Variants in CAST observed in about 807,000 individuals in gnomAD.
The protein encoded by CAST is MIR583 host.
CAST carries 76 observed loss-of-function variants against 119.6 expected under a neutral mutation model. The observed-to-expected ratio is 0.64, with a 90% confidence interval of 0.53 to 0.77. CAST has a LOEUF of 0.77. CAST is among the 30% of genes least tolerant of loss of function. The pLI is 0.00. For missense variants in CAST, 953 were observed against 946.5 expected, an observed-to-expected ratio of 1.01 and a Z score of -0.09; for synonymous variants, 319 against 331.6, an observed-to-expected ratio of 0.96 and a Z score of 0.41.
At chr5:96,636,881 C>T (rs1469359059) in intron 1 of CAST, among the ~76,000 whole-genome samples, 1 of 148,588 alleles carries the variant, frequency 6.7e-6, no homozygotes, top group East Asian at 2.0e-4. Context: ...TCTAACATCA[C>T]ATCACTCGTG....
At chr5:96,256,862 G>A in the CAST span, among the ~76,000 whole-genome samples, 8 of 151,958 alleles carry the variant, frequency 5.3e-5, no homozygotes, top group East Asian at 9.6e-4. Flanking sequence ...ACATCATAAC[G>A]GGCCAGCACA....
At chr5:95,961,544 CTG>C in the CAST span, 1 of 1,547,362 alleles carries the variant, frequency 6.5e-7, no homozygotes, top group South Asian at 1.2e-5. Context: ...CTCTGCCTCT[CTG>C]AGCCCAGCCT....
At chr5:96,291,902 C>T in the CAST span, among the ~76,000 whole-genome samples, 9 of 138,694 alleles carry the variant, frequency 6.5e-5, no homozygotes, top group African/African-American at 1.1e-4. Context: ...GAAGGTGTGC[C>T]GATGACAGAT....
intron 1 of CAST, among the ~76,000 whole-genome samples, chr5:96,535,496 A>C (rs1745793020): frequency 6.6e-6 from 1 of 151,904 alleles, no homozygotes; most frequent in African/African-American, 2.4e-5. Context: ...GGCATAGGAC[A>C]TGGTGGCATG....
chr5:96,530,818 C>G (rs1745676675), intron 1 of CAST, among the ~76,000 whole-genome samples: 1 of 152,096 alleles, frequency 6.6e-6, no homozygotes, highest in Non-Finnish European at 1.5e-5. Context: ...TTGAGAATGG[C>G]TCTTACTCTG....
chr5:96,772,955 T>G lies in CAST; in HGVS notation c.*339T>G, dbSNP rs1326157857. ...AAAACAAAAGAAAAGCTAAGTGAATTTTTGCACATTCTACACACAGTGCCT... is the reference window on the plus strand; with the variant it reads ...AAAACAAAAGAAAAGCTAAGTGAATGTTTGCACATTCTACACACAGTGCCT... On this transcript the variant is annotated 3_prime_UTR_variant, in exon 32 of 32. Coordinates refer to ENST00000675179, the MANE Select transcript of CAST (RefSeq NM_001750.7). 1.3e-5 allele frequency: 2 copies of G among 153,880 alleles called. No individual in the cohort carries two copies. The highest frequency in any genetic ancestry group is 2.9e-5 in the Non-Finnish European group (2 of 68,018). 9.5% of individuals were successfully genotyped at this position (153,880 alleles called of 1,614,324 possible).
the CAST span, among the ~76,000 whole-genome samples, chr5:96,170,986 G>T: frequency 2.0e-5 from 3 of 152,060 alleles, no homozygotes; most frequent in African/African-American, 4.8e-5. Context: ...GAGGGGAGAG[G>T]TCAGATGGGT....
chr5:95,988,759 G>A, the CAST span, among the ~76,000 whole-genome samples: 1 of 152,176 alleles, frequency 6.6e-6, no homozygotes, highest in Non-Finnish European at 1.5e-5. Context: ...TTATTGCAAA[G>A]ATTAAGTGAC....
At chr5:96,494,942 C>T in the CAST span, among the ~76,000 whole-genome samples, 1 of 151,690 alleles carries the variant, frequency 6.6e-6, no homozygotes, top group Non-Finnish European at 1.5e-5. Flanking sequence ...ACAGTGAAAC[C>T]CCGTCTCTAC....
intron 1 of CAST, among the ~76,000 whole-genome samples, chr5:96,533,833 T>C (rs1459361155): frequency 6.6e-6 from 1 of 152,204 alleles, no homozygotes; most frequent in Non-Finnish European, 1.5e-5. Flanking sequence ...TACCCAGGGA[T>C]AGGCACTTGT....
chr5:95,992,784 G>A, the CAST span, among the ~76,000 whole-genome samples: 1,526 of 152,196 alleles, frequency 0.01, 11 homozygotes, highest in Middle Eastern at 0.031. Context: ...TGGGTGAGGG[G>A]TATGTGAGAA....
At chr5:96,324,213 C>CT in the CAST span, among the ~76,000 whole-genome samples, 1 of 152,166 alleles carries the variant, frequency 6.6e-6, no homozygotes, top group Non-Finnish European at 1.5e-5. Context: ...AGGCAATATC[C>CT]TCTTGAGCTG....
intron 18 of CAST, 152 bp from the exon 19 acceptor site, chr5:96,748,366 T>A (rs1269740713): frequency 1.2e-5 from 5 of 425,514 alleles, no homozygotes; most frequent in Non-Finnish European, 2.1e-5. Context: ...TTAACGTTGA[T>A]AAATGAAAAA....
At chr5:96,169,915 T>C in the CAST span, among the ~76,000 whole-genome samples, 8 of 152,056 alleles carry the variant, frequency 5.3e-5, no homozygotes, top group South Asian at 2.1e-4. Context: ...AAAAGAGTAT[T>C]GTCTAAGTTG....
At chr5:96,377,727 CT>C in the CAST span, among the ~76,000 whole-genome samples, 27 of 152,262 alleles carry the variant, frequency 1.8e-4, no homozygotes, top group East Asian at 5.2e-3. Flanking sequence ...ATATGTGCAA[CT>C]ATTTACCCAT....
intron 1 of CAST, among the ~76,000 whole-genome samples, chr5:96,617,060 A>G (rs1213555104): frequency 6.6e-6 from 1 of 152,182 alleles, no homozygotes; most frequent in Non-Finnish European, 1.5e-5. Flanking sequence ...TCATAGGCTA[A>G]CACACTGGGA....
chr5:96,641,583 G>A (rs977373056), intron 1 of CAST, among the ~76,000 whole-genome samples: 3 of 152,124 alleles, frequency 2.0e-5, no homozygotes, highest in African/African-American at 4.8e-5. Flanking sequence ...AGACCCTTAC[G>A]ACCTCACAGC....
intron 2 of CAST, among the ~76,000 whole-genome samples, chr5:96,681,658 G>A (rs1468306822): frequency 6.7e-5 from 10 of 148,722 alleles, no homozygotes; most frequent in Non-Finnish European, 1.5e-4. Flanking sequence ...GCGTGAACCC[G>A]GGAGGCGGAG....
the CAST span, among the ~76,000 whole-genome samples, chr5:96,114,347 A>G: frequency 9.8e-5 from 15 of 152,286 alleles, no homozygotes; most frequent in South Asian, 2.5e-3. Context: ...TCAGAATCTG[A>G]TTCTTAAAAG....
Sources: allele counts gnomAD v4.1 joint callset (sites outside exome capture counted in the v4.1 genomes callset), GRCh38; gene constraint gnomAD v4.1.1; transcripts MANE v1.5; gene names NCBI Gene and HGNC (gene_info 2026-07-23, HGNC 2026-07-21).